The following SGSM2 variants were observed in gnomAD, a reference collection of about 807,000 sequenced individuals.
SGSM2 encodes small G protein signaling modulator 2, also known as RUN and TBC1 domain containing 1.
SGSM2 carries 89 observed loss-of-function variants against 126.6 expected under a neutral mutation model. That is an observed-to-expected ratio of 0.70 (90% CI 0.59 to 0.84). The LOEUF is 0.84. Among genes scored for constraint, SGSM2 ranks in the 40% least tolerant of loss-of-function variants. The pLI is 0.00. For synonymous variants in SGSM2, 614 were observed against 574.3 expected, an observed-to-expected ratio of 1.07 and a Z score of -0.99; for missense variants, 1,404 against 1,416.6, an observed-to-expected ratio of 0.99 and a Z score of 0.14.
intron 13 of SGSM2, chr17:2,371,883 T>G: frequency 2.2e-6 from 1 of 446,272 alleles, no homozygotes; most frequent in Non-Finnish European, 4.0e-6. Flanking sequence ...CGTCTTCCGT[T>G]TATTAATCCT....
At chr17:2,354,519 G>T (rs562636960) in intron 2 of SGSM2, among the ~76,000 whole-genome samples, 1 of 152,320 alleles carries the variant, frequency 6.6e-6, no homozygotes, top group South Asian at 2.1e-4. Flanking sequence ...TATTCTGCTA[G>T]AGATGTACCA....
intron 11 of SGSM2, chr17:2,366,855 AT>A: frequency 6.2e-6 from 1 of 160,002 alleles, no homozygotes; most frequent in Non-Finnish European, 1.4e-5. Flanking sequence ...GAAAAAGGGG[AT>A]TTGGAGTAAT....
At chr17:2,368,251 CTAGCACAGAGCTGGCTTGG>C (rs2065687855) in intron 12 of SGSM2, among the ~76,000 whole-genome samples, 1 of 152,158 alleles carries the variant, frequency 6.6e-6, no homozygotes, top group Admixed American at 6.5e-5. Context: ...CCCATCTTTC[CTAGCACAGAGCTGGCTTGG>C]TAGAGAGGGA....
chr17:2,337,974 C>T lies in SGSM2; in HGVS notation c.57+229C>T, dbSNP rs1457471548. Among the ~76,000 whole-genome samples, 2 of 151,990 alleles carry T rather than the reference C, an allele frequency of 1.3e-5. No individual in the cohort carries two copies. The highest frequency in any genetic ancestry group is 2.9e-5 in the Non-Finnish European group (2 of 67,960). ...TCCCGGCTTGTTTGCTTCGCAGCCC[C>T]GCAGCTCCCCGCCCAGTGACGGCAG... On this transcript the variant is annotated intron_variant, in intron 1 of 23. Coordinates refer to ENST00000268989, the MANE Select transcript of SGSM2 (RefSeq NM_014853.3). The surrounding 1 kb of genome is among the most constrained non-coding windows in gnomAD (Gnocchi z 5.1).
intron 2 of SGSM2, among the ~76,000 whole-genome samples, chr17:2,360,955 C>A (rs146419648): frequency 0.041 from 6,256 of 152,344 alleles, 202 homozygotes; most frequent in Middle Eastern, 0.078. Context: ...CTCCGCCCCA[C>A]ACACATACAC....
In SGSM2 at chr17:2,363,779, A is replaced by C. The variant is rs2065430867; in HGVS notation, c.807+180A>C. 8.0e-6 allele frequency: 8 copies of C among 1,002,562 alleles called. No homozygotes were observed. Among genetic ancestry groups the C allele is most frequent in the South Asian group, 3.4e-5 (2 of 59,540 alleles). 62.1% of individuals were successfully genotyped at this position (1,002,562 alleles called of 1,614,324 possible). On this transcript the variant is annotated intron_variant, in intron 7 of 23. Transcript: ENST00000268989. This position sits in a 1 kb window ranked among gnomAD's most constrained non-coding sequence, Gnocchi z 4.2. ...GCCCAGCCTTTAGTTGGCAGGGGAC[A>C]GGAATGGCAGCCAGCAGGCGAGGGG...
intron 2 of SGSM2, among the ~76,000 whole-genome samples, chr17:2,357,559 G>A (rs549170575): frequency 3.3e-5 from 5 of 152,188 alleles, no homozygotes; most frequent in African/African-American, 1.2e-4. Flanking sequence ...GTGCAATGGC[G>A]CGATCTCAAC....
Position 2,363,646 on chromosome 17 carries a change from A to C in SGSM2, c.807+47A>C. On this transcript the variant is annotated intron_variant, in intron 7 of 23. Coordinates refer to ENST00000268989, the MANE Select transcript of SGSM2 (RefSeq NM_014853.3). This position sits in a 1 kb window ranked among gnomAD's most constrained non-coding sequence, Gnocchi z 4.2. ...ATCCCTCCCCGAAGGTCCCCGAACG[A>C]GACGACTGGAAGCCTCTAGCCATGG... The C allele has an allele frequency of 6.2e-7, 1 of 1,601,650 alleles. No homozygotes were observed. Among genetic ancestry groups the C allele is most frequent in the African/African-American group, 1.3e-5 (1 of 74,752 alleles).
intron 22 of SGSM2, among the ~76,000 whole-genome samples, 191 bp from the exon 23 acceptor site, chr17:2,378,845 C>T (rs937617745): frequency 1.3e-5 from 2 of 152,156 alleles, no homozygotes; most frequent in African/African-American, 4.8e-5. Context: ...GACTTTGGCC[C>T]CTGAAGCTCT....
intron 17 of SGSM2, 23 bp downstream of exon 17, chr17:2,373,536 G>A (rs879161923): frequency 1.9e-6 from 3 of 1,579,264 alleles, no homozygotes; most frequent in East Asian, 2.3e-5. Context: ...GGACCTGGAG[G>A]GTTGGGGGTC....
At position 2,372,765 on chromosome 17, in the gene SGSM2, C is replaced by A; in HGVS notation, c.1789-188C>A. ...TTTCCTGCCCCTTAAGGAAGGAGAG[C>A]AGAACGAGATCTCATCCCACTGTGA... On this transcript the variant is annotated intron_variant, in intron 15 of 23. Coordinates refer to ENST00000268989, the MANE Select transcript of SGSM2 (RefSeq NM_014853.3). This position sits in a 1 kb window ranked among gnomAD's most constrained non-coding sequence, Gnocchi z 6.0. 1 of 859,274 alleles carries A rather than the reference C, an allele frequency of 1.2e-6. No individual in the cohort carries two copies. Among genetic ancestry groups the A allele is most frequent in the African/African-American group, 1.7e-5 (1 of 58,272 alleles). 53.2% of individuals were successfully genotyped at this position (859,274 alleles called of 1,614,324 possible).
In SGSM2 at chr17:2,372,809, G is replaced by C. The variant is rs1034888085; in HGVS notation, c.1789-144G>C. ...ACTGTGAGCTGGGGCACGGGAGGACGTGGCCACCCCAAAGCAGGCCTTGCC... is the reference window on the plus strand; with the variant it reads ...ACTGTGAGCTGGGGCACGGGAGGACCTGGCCACCCCAAAGCAGGCCTTGCC... On this transcript the variant is annotated intron_variant, in intron 15 of 23. Coordinates refer to ENST00000268989, the MANE Select transcript of SGSM2 (RefSeq NM_014853.3). The surrounding 1 kb of genome is among the most constrained non-coding windows in gnomAD (Gnocchi z 6.0). 3.7e-5 allele frequency: 42 copies of C among 1,149,866 alleles called. 2 individuals are homozygous for C. In the South Asian group the frequency reaches 5.5e-4, roughly 15 times the overall value. The allele number at this position is 1,149,866 out of a possible 1,614,324, so 71.2% of individuals were successfully genotyped here. A position where few individuals can be genotyped will look rare whatever the true frequency, so the allele number is the denominator to read the frequency against.
rs2066331777 is a variant in SGSM2, at chr17:2,379,602, C to T, written c.*82C>T. 1 of 1,543,190 alleles carries T rather than the reference C, an allele frequency of 6.5e-7. No homozygotes were observed. Among genetic ancestry groups the T allele is most frequent in the African/African-American group, 1.4e-5 (1 of 73,978 alleles). ...AGGGGAGTCACCGCCCAGACCTCCC[C>T]AGCCACCAACCGACCCCACCTCTGT... On this transcript the variant is annotated 3_prime_UTR_variant, in exon 24 of 24. Transcript: ENST00000268989.
In SGSM2 at chr17:2,367,232, G is replaced by A; in HGVS notation, c.1289-39G>A. 1 of 1,593,282 alleles carries A rather than the reference G, an allele frequency of 6.3e-7. No homozygotes were observed. On this transcript the variant is annotated intron_variant, in intron 11 of 23. Transcript: ENST00000268989. This position sits in a 1 kb window ranked among gnomAD's most constrained non-coding sequence, Gnocchi z 4.0. ...GGAGTCCGTCCTGCCCAGGGATGAG[G>A]GCCTCATGCCTCTGCCTCTCGCTGT...
chr17:2,350,333 G>C (rs1046438837), intron 2 of SGSM2, among the ~76,000 whole-genome samples: 2 of 151,798 alleles, frequency 1.3e-5, no homozygotes, highest in African/African-American at 4.8e-5. Flanking sequence ...AGGGAGGTGG[G>C]GTGCGGTGGC....
chr17:2,363,649 C>T lies in SGSM2; in HGVS notation c.807+50C>T, dbSNP rs185386873. ...CCTCCCCGAAGGTCCCCGAACGAGA[C>T]GACTGGAAGCCTCTAGCCATGGCTA... On this transcript the variant is annotated intron_variant, in intron 7 of 23. Coordinates refer to ENST00000268989, the MANE Select transcript of SGSM2 (RefSeq NM_014853.3). This position sits in a 1 kb window ranked among gnomAD's most constrained non-coding sequence, Gnocchi z 4.2. 33 of 1,599,634 alleles carry T rather than the reference C, an allele frequency of 2.1e-5. No individual in the cohort carries two copies. Among genetic ancestry groups the T allele is most frequent in the African/African-American group, 1.6e-4 (12 of 74,710 alleles).
rs916210940 is a variant in SGSM2, at chr17:2,361,473, C to T, written c.134-164C>T. Among the ~76,000 whole-genome samples the T allele has an allele frequency of 2.4e-4, 37 of 152,178 alleles. 1 individual carries two copies. The highest frequency in any genetic ancestry group is 2.2e-3 in the Admixed American group (34 of 15,284). ...AAAGCTCTTCGCCCCGGGCAGGAGC[C>T]GAGGGACGGGGAGGGGAATTTTGGA... is the stretch of plus-strand genomic sequence containing the variant. On this transcript the variant is annotated intron_variant, in intron 2 of 23. Transcript: ENST00000268989.
intron 2 of SGSM2, among the ~76,000 whole-genome samples, chr17:2,358,981 G>T (rs908736907): frequency 4.7e-5 from 7 of 149,360 alleles, no homozygotes; most frequent in African/African-American, 1.5e-4. Context: ...AGGTTCAAGT[G>T]ATTCTCCTAC....
intron 1 of SGSM2, among the ~76,000 whole-genome samples, chr17:2,340,178 G>A (rs1410966553): frequency 2.0e-5 from 3 of 151,122 alleles, no homozygotes; most frequent in Non-Finnish European, 4.4e-5. Flanking sequence ...GCAGTGGTGC[G>A]ATCTCAGCTC....
Sources: gnomAD v4.1 joint callset for allele counts (sites outside exome capture counted in the v4.1 genomes callset) on GRCh38, gnomAD v4.1.1 for gene constraint, Gnocchi (gnomAD v3.1) non-coding constraint, MANE v1.5 for transcripts, NCBI Gene and HGNC (gene_info 2026-07-23, HGNC 2026-07-21) for gene names.